Variants in ARHGEF1 observed in about 807,000 individuals in gnomAD.
ARHGEF1 encodes 115 kDa guanine nucleotide exchange factor.
A neutral mutation model predicts 119.7 loss-of-function variants in ARHGEF1; 40 were observed. That is an observed-to-expected ratio of 0.33 (90% confidence interval 0.26 to 0.44). The LOEUF (loss-of-function observed/expected upper bound fraction) is 0.44, where lower values mean the gene tolerates loss of function less well. Ranked by LOEUF, ARHGEF1 falls within the 20% of genes least tolerant of loss-of-function variation. The probability of loss-of-function intolerance (pLI) is 1.00; values close to 1 mark genes in which losing one functional copy is unlikely to be tolerated. For missense variants in ARHGEF1, 976 were observed against 1,268.3 expected, an observed-to-expected ratio of 0.77 and a Z score of 3.50; for synonymous variants, 494 against 521.0, an observed-to-expected ratio of 0.95 and a Z score of 0.71.
rs1032808245 is a variant in ARHGEF1, at chr19:41,902,720, G to A, written c.1623+62G>A. 12 of 1,613,368 alleles carry A rather than the reference G, an allele frequency of 7.4e-6. No homozygotes were observed. Among genetic ancestry groups the A allele is most frequent in the South Asian group, 3.3e-5 (3 of 91,064 alleles). ...AGGGGCCTGGAGACCCAGACTCCTA[G>A]GTGCCTGCGCCCTGGGGTGAGCCCA... is the stretch of plus-strand genomic sequence containing the variant. On this transcript the variant is annotated intron_variant, in intron 17 of 28. Transcript: ENST00000354532. The surrounding 1 kb of genome is among the most constrained non-coding windows in gnomAD (Gnocchi z 6.5).
downstream of ARHGEF1, among the ~76,000 whole-genome samples, chr19:41,911,075 C>G (rs1484661492): frequency 2.0e-5 from 3 of 152,210 alleles, no homozygotes; most frequent in Non-Finnish European, 4.4e-5. Flanking sequence ...CCCAGACACA[C>G]AGGGTGACAG....
In ARHGEF1 at chr19:41,892,908, T is replaced by A. The variant is rs1257060111; in HGVS notation, c.614+59T>A. 2.2e-5 allele frequency: 32 copies of A among 1,443,366 alleles called. No homozygotes were observed. Among genetic ancestry groups the A allele is most frequent in the Non-Finnish European group, 2.6e-5 (29 of 1,099,688 alleles). The allele number at this position is 1,443,366 out of a possible 1,614,324, so 89.4% of individuals were successfully genotyped here. Reference sequence around the variant, plus strand: ...CTCCCCAGCACAAGGGCACCCGTGCTACCTCTGGCATGTTCCATCCCGTTT... The same window carrying A: ...CTCCCCAGCACAAGGGCACCCGTGCAACCTCTGGCATGTTCCATCCCGTTT... On this transcript the variant is annotated intron_variant, in intron 7 of 28. Transcript: ENST00000354532. This position sits in a 1 kb window ranked among gnomAD's most constrained non-coding sequence, Gnocchi z 6.3.
At position 41,906,711 on chromosome 19, in the gene ARHGEF1, G is replaced by A. The variant is rs1555850310; in HGVS notation, c.2664G>A (p.Glu888=). The part of the protein sequence containing the change: ...EETMKQLEEL[E]EEFCRLRPLL... ...GACCCCCACCCCACCAGGAGTTGGA[G>A]GAGGAATTTTGCCGCCTGAGACCCC... The change falls in exon 28 of 29, where the codon GAG becomes GAA. Residue 888 remains glutamate, a synonymous_variant. Coordinates refer to ENST00000354532, the MANE Select transcript of ARHGEF1 (RefSeq NM_004706.4). This position sits in a 1 kb window ranked among gnomAD's most constrained non-coding sequence, Gnocchi z 4.5. 1.4e-5 allele frequency: 23 copies of A among 1,608,538 alleles called. No individual in the cohort carries two copies. Among genetic ancestry groups the A allele is most frequent in the Non-Finnish European group, 1.8e-5 (21 of 1,177,986 alleles).
intron 13 of ARHGEF1, chr19:41,897,815 T>C: frequency 1.0e-6 from 1 of 995,780 alleles, no homozygotes; most frequent in East Asian, 3.2e-5. Context: ...TCTCCCCACC[T>C]CTGTCCCTGC....
At chr19:41,900,396 C>T (rs903158539) in intron 14 of ARHGEF1, among the ~76,000 whole-genome samples, 2 of 152,006 alleles carry the variant, frequency 1.3e-5, no homozygotes, top group African/African-American at 4.8e-5. Context: ...TTGCAATTAA[C>T]GAAAATGTAA....
intron 1 of ARHGEF1, among the ~76,000 whole-genome samples, chr19:41,925,082 G>A (rs782380130): frequency 1.3e-5 from 2 of 152,128 alleles, no homozygotes; most frequent in Non-Finnish European, 2.9e-5. Flanking sequence ...GTGGGACAGG[G>A]CTGTTTTCAG....
chr19:41,908,289 C>G (rs1200207349), downstream of ARHGEF1: 1 of 1,231,468 alleles, frequency 8.1e-7, no homozygotes, highest in African/African-American at 1.6e-5. The surrounding 1 kb of genome is among the most constrained non-coding windows in gnomAD (Gnocchi z 6.7). Flanking sequence ...ACCCTCATCG[C>G]CCTCGCTGTC....
downstream of ARHGEF1, among the ~76,000 whole-genome samples, chr19:41,911,164 A>G (rs1475155420): frequency 6.6e-6 from 1 of 152,128 alleles, no homozygotes; most frequent in Non-Finnish European, 1.5e-5. Context: ...CTCACTCAGC[A>G]TCACGTCTCA....
chr19:41,918,346 T>TACACCATACACACACCATACCACAC (rs2145899662), upstream of ARHGEF1, among the ~76,000 whole-genome samples: 1 of 143,064 alleles, frequency 7.0e-6, no homozygotes, highest in African/African-American at 2.6e-5. Context: ...ACACACCACA[T>TACACCATACACACACCATACCACAC]ACACCATACA....
At chr19:41,910,813 G>A (rs1438219581), downstream of ARHGEF1, among the ~76,000 whole-genome samples, 4 of 152,154 alleles carry the variant, frequency 2.6e-5, no homozygotes, top group African/African-American at 9.7e-5. This position sits in a 1 kb window ranked among gnomAD's most constrained non-coding sequence, Gnocchi z 4.4. Context: ...CTGGGACACA[G>A]GCACACCGGA....
chr19:41,885,773 G>A lies in ARHGEF1; in HGVS notation c.-19-2291G>A, dbSNP rs373741188. ...CCGTGCCTAGCCTATTTTATTTTAAGACAAGGTCTCACTCTGTCGCCCAGG... is the reference window on the plus strand; with the variant it reads ...CCGTGCCTAGCCTATTTTATTTTAAAACAAGGTCTCACTCTGTCGCCCAGG... On this transcript the variant is annotated intron_variant, in intron 1 of 28. Transcript: ENST00000354532. 5.1e-4 allele frequency among the ~76,000 whole-genome samples: 77 copies of A among 150,920 alleles called. 1 individual carries two copies. The highest frequency in any genetic ancestry group is 1.8e-3 in the African/African-American group (72 of 41,048).
In ARHGEF1 at chr19:41,903,702, C is replaced by A; in HGVS notation, c.1840-5C>A. On this transcript the variant is annotated splice_region_variant and splice_polypyrimidine_tract_variant and intron_variant, in intron 19 of 28. Transcript: ENST00000354532. The surrounding 1 kb of genome is among the most constrained non-coding windows in gnomAD (Gnocchi z 4.2). The stretch of plus-strand genomic sequence containing the variant: ...GTCCCCATAATGCTCCCGTCTCTGC[C>A]CCAGAGGCTCAAGGACTATCAGCGG... The A allele has an allele frequency of 6.2e-7, 1 of 1,612,464 alleles. No individual in the cohort carries two copies. The highest frequency in any genetic ancestry group is 8.5e-7 in the Non-Finnish European group (1 of 1,179,986).
Position 41,901,945 on chromosome 19 carries a change from C to T in ARHGEF1, c.1326C>T (p.Phe442=), listed in dbSNP as rs2074611082. Residue 442 remains phenylalanine, a synonymous_variant, in exon 15 of 29, where the codon TTC becomes TTT. Transcript: ENST00000354532. The part of the protein sequence containing the change: ...VRMLRVLHDL[F]FQPMAECLFF... ...TGCTGCGGGTGCTGCACGACCTCTT[C>T]TTCCAGCCCATGGCAGAATGCCTGT... 2 of 1,613,908 alleles carry T rather than the reference C, an allele frequency of 1.2e-6. No individual in the cohort carries two copies. The highest frequency in any genetic ancestry group is 1.7e-6 in the Non-Finnish European group (2 of 1,180,030).
At chr19:41,895,123 G>A (rs1432136141) in intron 11 of ARHGEF1, among the ~76,000 whole-genome samples, 1 of 150,120 alleles carries the variant, frequency 6.7e-6, no homozygotes, top group Non-Finnish European at 1.5e-5. Context: ...GGGTCTGAGG[G>A]AGGAAGGCCT....
chr19:41,884,390 G>A (rs2123335457), intron 1 of ARHGEF1: 1 of 1,580,486 alleles, frequency 6.3e-7, no homozygotes, highest in Admixed American at 1.8e-5. Flanking sequence ...GTGGACTCAG[G>A]GCGGCTAGAG....
At chr19:41,909,476 G>T (rs2074740700), downstream of ARHGEF1, 2 of 1,246,756 alleles carry the variant, frequency 1.6e-6, no homozygotes, top group Admixed American at 4.1e-5. The surrounding 1 kb of genome is among the most constrained non-coding windows in gnomAD (Gnocchi z 5.2). Flanking sequence ...TAGTAACTGT[G>T]GGGAGAGTGG....
chr19:41,907,597 G>A (rs782369588), downstream of ARHGEF1: 27 of 606,042 alleles, frequency 4.5e-5, no homozygotes, highest in African/African-American at 1.9e-5. Context: ...TGTTTGAACC[G>A]TTACTCCCCA....
intron 1 of ARHGEF1, chr19:41,928,815 C>T (rs782695883): frequency 1.8e-5 from 8 of 433,692 alleles, no homozygotes; most frequent in Middle Eastern, 3.8e-4. Context: ...TCTCCTCCGC[C>T]CCGCTCCTCC....
downstream of ARHGEF1, chr19:41,907,905 C>CACAAACAA (rs10678871): frequency 8.1e-6 from 2 of 247,586 alleles, no homozygotes; most frequent in South Asian, 2.1e-4. Flanking sequence ...GACACGGCCA[C>CACAAACAA]ACAAACACTT....
Sources: gnomAD v4.1 joint callset for allele counts (sites outside exome capture counted in the v4.1 genomes callset) on GRCh38, gnomAD v4.1.1 for gene constraint, Gnocchi (gnomAD v3.1) non-coding constraint, MANE v1.5 for transcripts, NCBI Gene and HGNC (gene_info 2026-07-23, HGNC 2026-07-21) for gene names.